The following SND1 variants were observed in gnomAD, a reference collection of about 807,000 sequenced individuals.
SND1 encodes the protein staphylococcal nuclease domain-containing protein 1.
A neutral mutation model predicts 121.7 loss-of-function variants in SND1; 38 were observed. The ratio of observed to expected loss-of-function variants is 0.31; its 90% CI spans 0.24 to 0.41. The LOEUF is 0.41. Among genes scored for constraint, SND1 ranks in the 10% least tolerant of loss-of-function variants. The pLI is 1.00. For missense variants in SND1, 868 were observed against 1,184.6 expected (o/e 0.73, Z 3.92); for synonymous variants, 401 against 447.4 (o/e 0.90, Z 1.31).
chr7:127,695,003 C>A, intron 3 of SND1, 55 bp downstream of exon 3: 1 of 1,585,772 alleles, frequency 6.3e-7, no homozygotes, highest in East Asian at 2.3e-5. Flanking sequence ...TGTTAAAGAT[C>A]AGTTTTCTTG....
At chr7:128,031,236 T>C (rs1185225260) in intron 16 of SND1, among the ~76,000 whole-genome samples, 1 of 149,512 alleles carries the variant, frequency 6.7e-6, no homozygotes, top group African/African-American at 2.4e-5. Flanking sequence ...GCTTTGTCCT[T>C]GGACCCTGGC....
Position 127,807,521 on chromosome 7 carries a change from C to T in SND1, c.1190C>T (p.Pro397Leu), listed in dbSNP as rs1798258350. ...NKKLRPLYDI[P>L]YMFEAREFLR... is the part of the protein sequence containing the mutation. Reference sequence around the variant, plus strand: ...AAACTGCGTCCCCTGTATGACATTCCTTACATGTTTGAGGCCCGGGAATTT... The same window carrying T: ...AAACTGCGTCCCCTGTATGACATTCTTTACATGTTTGAGGCCCGGGAATTT... Residue 397 changes from proline to leucine, a missense_variant, in exon 11 of 24, where the codon CCT becomes CTT. Around this residue, in one of 2 missense-constraint regions of SND1, gnomAD observed 743 missense variants for 1,071.3 expected, o/e 0.69. Transcript: ENST00000354725. The T allele has an allele frequency of 6.2e-7, 1 of 1,613,968 alleles. No homozygotes were observed. Among genetic ancestry groups the T allele is most frequent in the Non-Finnish European group, 8.5e-7 (1 of 1,179,936 alleles).
chr7:127,723,710 G>A (rs1796535337), intron 10 of SND1, among the ~76,000 whole-genome samples: 1 of 152,164 alleles, frequency 6.6e-6, no homozygotes, highest in African/African-American at 2.4e-5. Flanking sequence ...GTCAACAGGA[G>A]GAATGGCTCT....
In SND1 at chr7:127,701,159, C is replaced by T. The variant is rs142740888; in HGVS notation, c.429-4C>T. 2.6e-3 allele frequency: 4,130 copies of T among 1,613,262 alleles called. 13 individuals are homozygous for T. The highest frequency in any genetic ancestry group is 2.7e-3 in the Non-Finnish European group (3,216 of 1,179,664). ...ACCACTCTTGTTTATTTTTTATGTC[C>T]CAGTCCTGAGCAGAACCGGCTTTCA... On this transcript the variant is annotated splice_region_variant and splice_polypyrimidine_tract_variant and intron_variant, in intron 4 of 23. Coordinates refer to ENST00000354725, the MANE Select transcript of SND1 (RefSeq NM_014390.4).
At chr7:127,683,911 C>A (rs6979634) in intron 1 of SND1, among the ~76,000 whole-genome samples, 32,057 of 152,146 alleles carry the variant, frequency 0.21, 3,764 homozygotes, top group African/African-American at 0.32. Context: ...GAAGTTCTGA[C>A]AGCAGCCTTT....
chr7:127,695,088 T>G, intron 3 of SND1, 140 bp downstream of exon 3: 14 of 972,738 alleles, frequency 1.4e-5, no homozygotes, highest in Non-Finnish European at 2.1e-5. Context: ...GCAAATGCTT[T>G]GGGCCCTGAG....
chr7:127,904,628 C>T, intron 13 of SND1, 119 bp from the exon 14 acceptor site: 2 of 659,178 alleles, frequency 3.0e-6, no homozygotes, highest in Admixed American at 4.3e-5. Context: ...TACAGTGTGA[C>T]TTGTGTAGTC....
intron 10 of SND1, among the ~76,000 whole-genome samples, chr7:127,772,252 C>T (rs1337015179): frequency 6.6e-6 from 1 of 152,216 alleles, no homozygotes; most frequent in Non-Finnish European, 1.5e-5. Context: ...TCTTTTCTCA[C>T]TAGCCAAAAT....
chr7:127,737,246 T>C (rs1198049740), intron 10 of SND1, among the ~76,000 whole-genome samples: 1 of 152,218 alleles, frequency 6.6e-6, no homozygotes, highest in Non-Finnish European at 1.5e-5. Flanking sequence ...GCGTGAAGTC[T>C]GAGTACTGTC....
intron 12 of SND1, among the ~76,000 whole-genome samples, chr7:127,872,954 A>ATTC (rs1392879916): frequency 1.3e-5 from 2 of 152,146 alleles, no homozygotes; most frequent in African/African-American, 4.8e-5. Flanking sequence ...TTGTTCATTC[A>ATTC]TTCTTAAGAG....
chr7:127,807,928 G>C (rs1798265072), intron 11 of SND1, among the ~76,000 whole-genome samples: 1 of 152,132 alleles, frequency 6.6e-6, no homozygotes, highest in Non-Finnish European at 1.5e-5. Flanking sequence ...ACTAGCGAGG[G>C]AAGGTTGCTG....
chr7:127,921,402 T>G (rs990861821), intron 14 of SND1, among the ~76,000 whole-genome samples: 2 of 152,186 alleles, frequency 1.3e-5, no homozygotes, highest in African/African-American at 4.8e-5. Context: ...GTATTCAAAG[T>G]AGTGATCAAA....
intron 11 of SND1, among the ~76,000 whole-genome samples, chr7:127,830,380 G>C (rs1337258117): frequency 6.6e-6 from 1 of 152,110 alleles, no homozygotes; most frequent in African/African-American, 2.4e-5. Flanking sequence ...AATGCTGGTT[G>C]GCATTTTAGC....
At chr7:127,702,116 A>T (rs1167413511) in intron 5 of SND1, among the ~76,000 whole-genome samples, 1 of 152,178 alleles carries the variant, frequency 6.6e-6, no homozygotes, top group Non-Finnish European at 1.5e-5. Context: ...ATCTTAAGTT[A>T]CTAATTATTT....
intron 12 of SND1, among the ~76,000 whole-genome samples, chr7:127,860,741 C>G (rs567330230): frequency 6.6e-6 from 1 of 152,280 alleles, no homozygotes; most frequent in South Asian, 2.1e-4. Context: ...CTTTTGTTGC[C>G]TCTCTTATTG....
chr7:128,065,384 G>A (rs1464715711), intron 16 of SND1, among the ~76,000 whole-genome samples: 1 of 152,228 alleles, frequency 6.6e-6, no homozygotes. Context: ...CCATTGGGGG[G>A]GTCACAGGTC....
At chr7:127,957,867 A>AT (rs1202808635) in intron 15 of SND1, among the ~76,000 whole-genome samples, 1 of 151,914 alleles carries the variant, frequency 6.6e-6, no homozygotes, top group Non-Finnish European at 1.5e-5. Flanking sequence ...CACCCAGCTA[A>AT]TTTTTTGTAT....
At chr7:128,080,795 G>A (rs1793586600) in intron 17 of SND1, among the ~76,000 whole-genome samples, 1 of 152,062 alleles carries the variant, frequency 6.6e-6, no homozygotes, top group Non-Finnish European at 1.5e-5. Context: ...GGTAGGATCT[G>A]GGGCCTGCAT....
intron 13 of SND1, among the ~76,000 whole-genome samples, chr7:127,902,665 T>C (rs1800256993): frequency 6.6e-6 from 1 of 152,138 alleles, no homozygotes; most frequent in African/African-American, 2.4e-5. Context: ...CCCTGAATGA[T>C]AAATCACTAG....
Sources: gnomAD v4.1 joint callset for allele counts (sites outside exome capture counted in the v4.1 genomes callset) on GRCh38, gnomAD v4.1.1 for gene constraint, gnomAD v4.1.1 regional missense constraint, MANE v1.5 for transcripts, NCBI Gene and HGNC (gene_info 2026-07-23, HGNC 2026-07-21) for gene names.